Variants in PCDHGB3 observed in about 807,000 individuals in gnomAD.
PCDHGB3 encodes the protein protocadherin gamma-B3.
In PCDHGB3, 40 loss-of-function variants were observed where a neutral mutation model predicts 59.2. That is an observed-to-expected ratio of 0.68 (90% CI 0.52 to 0.88). The LOEUF is 0.88. Ranked by LOEUF, PCDHGB3 falls within the 40% of genes least tolerant of loss-of-function variation. The pLI, the probability that PCDHGB3 is intolerant of heterozygous loss-of-function variation, is 0.00. For synonymous variants in PCDHGB3, 581 were observed against 503.6 expected (o/e 1.15, Z -2.06); for missense variants, 1,309 against 1,187.9 (o/e 1.10, Z -1.50).
At chr5:141,478,174 GA>G (rs1156842877) in intron 1 of PCDHGB3, 1 of 1,613,574 alleles carries the variant, frequency 6.2e-7, no homozygotes, top group East Asian at 2.2e-5. Context: ...CCCGGGAGCA[GA>G]AAAAAAATCT....
chr5:141,431,023 C>G lies in PCDHGB3; in HGVS notation c.2415+58214C>G. 6.2e-7 allele frequency: 1 copy of G among 1,613,748 alleles called. No homozygotes were observed. Among genetic ancestry groups the G allele is most frequent in the Non-Finnish European group, 8.5e-7 (1 of 1,179,820 alleles). On this transcript the variant is annotated intron_variant, in intron 1 of 3. Transcript: ENST00000576222. This position sits in a 1 kb window ranked among gnomAD's most constrained non-coding sequence, Gnocchi z 4.8. ...GCAGCGGCAGCTTGGTCACGGCGGG[C>G]AGGATAGACCGGGAGGAGCTCTGTA...
At chr5:141,427,355 C>T (rs765449381) in intron 1 of PCDHGB3, 2 of 457,430 alleles carry the variant, frequency 4.4e-6, no homozygotes, top group African/African-American at 2.0e-5. Flanking sequence ...TAACTGAGGA[C>T]GCAGAACCCT....
At chr5:141,403,001 T>C (rs1189114508) in intron 1 of PCDHGB3, 11 of 1,613,878 alleles carry the variant, frequency 6.8e-6, no homozygotes, top group African/African-American at 1.3e-5. Flanking sequence ...AGTCCTGCTA[T>C]GCTCGCTCCT....
chr5:141,376,914 C>G (rs1025348102), intron 1 of PCDHGB3: 2 of 179,598 alleles, frequency 1.1e-5, no homozygotes, highest in Non-Finnish European at 2.3e-5. Flanking sequence ...GTCTCGATCT[C>G]CTGACCTCAT....
intron 1 of PCDHGB3, chr5:141,414,969 G>A (rs764972439): frequency 7.4e-6 from 12 of 1,613,954 alleles, no homozygotes; most frequent in South Asian, 1.1e-5. Context: ...TGGTGGCGGT[G>A]GACAGAGACT....
chr5:141,459,406 A>C (rs2098967498), intron 1 of PCDHGB3, among the ~76,000 whole-genome samples: 1 of 152,218 alleles, frequency 6.6e-6, no homozygotes, highest in Admixed American at 6.5e-5. Flanking sequence ...GCAGTATTGC[A>C]TTGTGTGGAT....
intron 1 of PCDHGB3, chr5:141,417,070 G>A (rs1324168481): frequency 6.6e-6 from 1 of 151,864 alleles, no homozygotes; most frequent in Non-Finnish European, 1.5e-5. Flanking sequence ...TGTAGCTATT[G>A]TGAGAAAATA....
chr5:141,510,905 C>T lies in PCDHGB3; in HGVS notation c.2564-42C>T. 4 of 1,613,538 alleles carry T rather than the reference C, an allele frequency of 2.5e-6. No homozygotes were observed. In the South Asian group the frequency reaches 4.4e-5, roughly 18 times the overall value. ...GATATAAGACAGTGACTGTTGAGGA[C>T]CCTAAGTTTAGCTCCCACCTGATCT... On this transcript the variant is annotated intron_variant, in intron 3 of 3. Coordinates refer to ENST00000576222, the MANE Select transcript of PCDHGB3 (RefSeq NM_018924.5).
chr5:141,446,778 T>C (rs2098515519), intron 1 of PCDHGB3, among the ~76,000 whole-genome samples: 1 of 152,116 alleles, frequency 6.6e-6, no homozygotes, highest in South Asian at 2.1e-4. Flanking sequence ...GTTACCATTC[T>C]TTTACTCTGA....
intron 1 of PCDHGB3, chr5:141,421,253 A>G: frequency 6.2e-7 from 1 of 1,607,298 alleles, no homozygotes; most frequent in South Asian, 1.1e-5. Context: ...CAGCGCGGGG[A>G]CCGCAGTCGG....
At chr5:141,394,591 C>A in intron 1 of PCDHGB3, 2 of 1,613,762 alleles carry the variant, frequency 1.2e-6, no homozygotes, top group Non-Finnish European at 1.7e-6. Context: ...AAGGTGGTGG[C>A]GGTGGACAGA....
At chr5:141,418,077 T>G (rs770464447) in intron 1 of PCDHGB3, 4 of 1,613,914 alleles carry the variant, frequency 2.5e-6, no homozygotes, top group African/African-American at 1.3e-5. Context: ...GCGGAGAAGC[T>G]GCACTTCAGC....
chr5:141,501,162 C>T (rs922957843), intron 2 of PCDHGB3, among the ~76,000 whole-genome samples: 1 of 152,134 alleles, frequency 6.6e-6, no homozygotes, highest in Non-Finnish European at 1.5e-5. Context: ...CCACCATCCC[C>T]AGCCTCATTT....
At chr5:141,405,353 AT>A in intron 1 of PCDHGB3, 3 of 1,614,026 alleles carry the variant, frequency 1.9e-6, no homozygotes, top group Non-Finnish European at 2.5e-6. Context: ...CAAGTTTCCT[AT>A]AGAAGACACC....
At chr5:141,397,965 C>A in intron 1 of PCDHGB3, 1 of 1,077,484 alleles carries the variant, frequency 9.3e-7, no homozygotes. Flanking sequence ...AGCTCAGACT[C>A]CCCAGCGCCG....
Position 141,420,935 on chromosome 5 carries a change from A to G in PCDHGB3, c.2415+48126A>G, listed in dbSNP as rs542779087. ...GTGATTCACAAAGGTGAGCGTAATCATTTCTTCTGGAATTTCTTAGTCGTT... is the reference window on the plus strand; with the variant it reads ...GTGATTCACAAAGGTGAGCGTAATCGTTTCTTCTGGAATTTCTTAGTCGTT... On this transcript the variant is annotated intron_variant, in intron 1 of 3. Coordinates refer to ENST00000576222, the MANE Select transcript of PCDHGB3 (RefSeq NM_018924.5). 2.6e-5 allele frequency: 10 copies of G among 380,486 alleles called. 1 individual carries two copies. Among genetic ancestry groups the G allele is most frequent in the African/African-American group, 1.7e-4 (8 of 47,720 alleles). The allele number at this position is 380,486 out of a possible 1,614,324, so 23.6% of individuals were successfully genotyped here.
intron 1 of PCDHGB3, chr5:141,392,710 C>T: frequency 7.4e-7 from 1 of 1,345,380 alleles, no homozygotes; most frequent in Non-Finnish European, 9.8e-7. Flanking sequence ...TGGAGGCACT[C>T]CAGGTTTCCG....
At chr5:141,383,494 G>A (rs1472112755) in intron 1 of PCDHGB3, 1 of 1,613,248 alleles carries the variant, frequency 6.2e-7, no homozygotes, top group Non-Finnish European at 8.5e-7. Context: ...GCTGGAGCGG[G>A]TGCTGGACCG....
chr5:141,385,110 C>A (rs1315178545), intron 1 of PCDHGB3: 2 of 1,614,076 alleles, frequency 1.2e-6, no homozygotes, highest in African/African-American at 2.7e-5. Context: ...ACGTGCCCAC[C>A]TCGCACTTTG....
Sources: gnomAD v4.1 joint callset for allele counts (sites outside exome capture counted in the v4.1 genomes callset) on GRCh38, gnomAD v4.1.1 for gene constraint, Gnocchi (gnomAD v3.1) non-coding constraint, MANE v1.5 for transcripts, NCBI Gene and HGNC (gene_info 2026-07-23, HGNC 2026-07-21) for gene names.